SPAG16: variants seen among roughly 807,000 people sequenced by gnomAD.
The protein encoded by SPAG16 is sperm associated antigen 16.
In SPAG16, 86 loss-of-function variants were observed where a neutral mutation model predicts 80.4. The ratio of observed to expected loss-of-function variants is 1.07; its 90% CI spans 0.90 to 1.28. The LOEUF is 1.28. Ranked by LOEUF, SPAG16 falls within the 50% of genes most tolerant of loss-of-function variation. The probability of loss-of-function intolerance (pLI) is 0.00; values close to 1 mark genes in which losing one functional copy is unlikely to be tolerated. For missense variants in SPAG16, 870 were observed against 765.3 expected (o/e 1.14, Z -1.61); for synonymous variants, 294 against 265.9 (o/e 1.11, Z -1.03).
intron 7 of SPAG16, among the ~76,000 whole-genome samples, chr2:213,350,981 A>C (rs868435352): frequency 0.012 from 1,822 of 150,054 alleles, 17 homozygotes; most frequent in African/African-American, 0.017. Flanking sequence ...AAAAAAAAAA[A>C]ACAAAAAACA....
intron 10 of SPAG16, among the ~76,000 whole-genome samples, chr2:213,813,791 C>G (rs1328135828): frequency 6.6e-6 from 1 of 152,022 alleles, no homozygotes; most frequent in Non-Finnish European, 1.5e-5. Flanking sequence ...ATAAAACAAA[C>G]AAAAAACACA....
intron 15 of SPAG16, among the ~76,000 whole-genome samples, chr2:214,179,430 T>C (rs1274824160): frequency 4.0e-4 from 61 of 151,608 alleles, no homozygotes; most frequent in Non-Finnish European, 1.2e-4. Context: ...CTTGTCAGTT[T>C]AACTTAGCAA....
chr2:214,012,288 A>ATATATATATTTTTTTTTTT (rs1553694500), intron 12 of SPAG16, among the ~76,000 whole-genome samples: 1 of 46,820 alleles, frequency 2.1e-5, no homozygotes, highest in African/African-American at 1.2e-4. Context: ...ATATATATAT[A>ATATATATATTTTTTTTTTT]TTTTTTTTTT....
Position 214,284,797 on chromosome 2 carries a change from C to CTGTG in SPAG16, c.1721-125310_1721-125307dup, listed in dbSNP as rs34221048. 6.1e-3 allele frequency among the ~76,000 whole-genome samples: 918 copies of CTGTG among 149,842 alleles called. 11 individuals carry two copies. Among genetic ancestry groups the CTGTG allele is most frequent in the East Asian group, 0.025 (127 of 5,054 alleles). ...TTTTAAGGTTGAATAATATTTTACTCTGTGTGTGTGTGTGTGTGTGTGTGT... is the reference window on the plus strand; with the variant it reads ...TTTTAAGGTTGAATAATATTTTACTCTGTGTGTGTGTGTGTGTGTGTGTGTGTGT... On this transcript the variant is annotated intron_variant, in intron 15 of 15. Transcript: ENST00000331683.
Position 214,208,792 on chromosome 2 carries a change from G to C in SPAG16, c.1720+59526G>C, listed in dbSNP as rs1282934691. Among the ~76,000 whole-genome samples, 3 of 152,162 alleles carry C rather than the reference G, an allele frequency of 2.0e-5. No individual in the cohort carries two copies. The East Asian group carries it at 5.8e-4, about 29-fold the overall frequency. ...AATGGGCTAATAGCTATATAACATA[G>C]ACAGGGCACTTAATCTTCCTGTGCC... is the stretch of plus-strand genomic sequence containing the variant. On this transcript the variant is annotated intron_variant, in intron 15 of 15. Coordinates refer to ENST00000331683, the MANE Select transcript of SPAG16 (RefSeq NM_024532.5).
intron 14 of SPAG16, among the ~76,000 whole-genome samples, chr2:214,144,657 G>T (rs112727797): frequency 2.2e-3 from 338 of 152,048 alleles, no homozygotes; most frequent in African/African-American, 7.6e-3. Flanking sequence ...TTTGACAACA[G>T]AATATTATAT....
At chr2:213,949,985 G>A (rs776696410) in intron 12 of SPAG16, among the ~76,000 whole-genome samples, 10 of 152,146 alleles carry the variant, frequency 6.6e-5, no homozygotes, top group Non-Finnish European at 1.5e-4. Context: ...AATCTATAAT[G>A]TAGGATCAGA....
intron 9 of SPAG16, among the ~76,000 whole-genome samples, chr2:213,425,242 C>T (rs2069838479): frequency 2.0e-5 from 3 of 151,892 alleles, no homozygotes; most frequent in Non-Finnish European, 4.4e-5. Context: ...ATGGTGTGAA[C>T]CTGGGAAGCA....
At chr2:214,034,193 A>G (rs1337460425) in intron 13 of SPAG16, among the ~76,000 whole-genome samples, 3 of 152,348 alleles carry the variant, frequency 2.0e-5, no homozygotes, top group Middle Eastern at 3.4e-3. Context: ...ACAGAATTTT[A>G]TATCAGGAGG....
intron 10 of SPAG16, among the ~76,000 whole-genome samples, chr2:213,744,005 T>G (rs2067701098): frequency 6.6e-6 from 1 of 152,232 alleles, no homozygotes; most frequent in Admixed American, 6.5e-5. Flanking sequence ...TATTTTAGTG[T>G]GAGCATCTCT....
intron 15 of SPAG16, among the ~76,000 whole-genome samples, chr2:214,202,934 G>T (rs1319026797): frequency 6.6e-6 from 1 of 152,186 alleles, no homozygotes; most frequent in African/African-American, 2.4e-5. Context: ...CTGTGAAACA[G>T]ACCTGAGAGA....
At chr2:213,365,145 G>A (rs2066211048) in intron 8 of SPAG16, 1 of 152,186 alleles carries the variant, frequency 6.6e-6, no homozygotes. Flanking sequence ...GAGGAAGACA[G>A]TCATCCAGAG....
chr2:213,470,087 T>A (rs1165497318), intron 9 of SPAG16, among the ~76,000 whole-genome samples: 3 of 152,136 alleles, frequency 2.0e-5, no homozygotes, highest in Non-Finnish European at 4.4e-5. Flanking sequence ...GAATCCTGTC[T>A]ATGGGAGAAA....
At chr2:213,967,134 G>A (rs1318081110) in intron 12 of SPAG16, among the ~76,000 whole-genome samples, 1 of 152,094 alleles carries the variant, frequency 6.6e-6, no homozygotes, top group East Asian at 1.9e-4. Flanking sequence ...ATGAGAAACT[G>A]TTATATTCAA....
At chr2:213,822,620 T>TA (rs1192384336) in intron 10 of SPAG16, among the ~76,000 whole-genome samples, 6 of 152,228 alleles carry the variant, frequency 3.9e-5, no homozygotes, top group South Asian at 2.1e-4. Context: ...TTATTTCTTC[T>TA]AAAAAAATGA....
In SPAG16 at chr2:213,490,094, G is replaced by T; in HGVS notation, c.1070+4G>T. On this transcript the variant is annotated splice_donor_region_variant and intron_variant, in intron 10 of 15. Coordinates refer to ENST00000331683, the MANE Select transcript of SPAG16 (RefSeq NM_024532.5). ...TCCATGAACTTCCAGTGAGCTGGTA[G>T]GATTTTTGATGTTTTATTAATACTT... The T allele has an allele frequency of 6.4e-7, 1 of 1,565,306 alleles. No individual in the cohort carries two copies. Among genetic ancestry groups the T allele is most frequent in the Non-Finnish European group, 8.6e-7 (1 of 1,160,798 alleles).
chr2:213,796,519 C>T (rs2071039594), intron 10 of SPAG16, among the ~76,000 whole-genome samples: 2 of 152,120 alleles, frequency 1.3e-5, no homozygotes, highest in Non-Finnish European at 2.9e-5. Flanking sequence ...GATATACAGT[C>T]ATGTGCCACC....
intron 13 of SPAG16, among the ~76,000 whole-genome samples, chr2:214,051,116 A>G (rs1025135615): frequency 6.6e-6 from 1 of 152,198 alleles, no homozygotes; most frequent in South Asian, 2.1e-4. Context: ...AGCTCTAAGA[A>G]TATTTCTGGC....
intron 10 of SPAG16, among the ~76,000 whole-genome samples, chr2:213,512,343 AT>A (rs1158406364): frequency 1.3e-5 from 2 of 152,198 alleles, no homozygotes; most frequent in Non-Finnish European, 2.9e-5. Flanking sequence ...CAGTTGTCAT[AT>A]CGTATTGCAA....
Sources: gnomAD v4.1 joint callset for allele counts (sites outside exome capture counted in the v4.1 genomes callset) on GRCh38, gnomAD v4.1.1 for gene constraint, MANE v1.5 for transcripts, NCBI Gene and HGNC (gene_info 2026-07-23, HGNC 2026-07-21) for gene names.